Variants in CALCRL observed in about 807,000 individuals in gnomAD.
CALCRL encodes calcitonin receptor like receptor, also known as calcitonin gene-related peptide type 1 receptor.
In CALCRL, 27 loss-of-function variants were observed where a neutral mutation model predicts 60.4. The ratio of observed to expected loss-of-function variants is 0.45; its 90% CI spans 0.33 to 0.62. The LOEUF is 0.62. Ranked by LOEUF, CALCRL falls within the 20% of genes least tolerant of loss-of-function variation. The pLI, the probability that CALCRL is intolerant of heterozygous loss-of-function variation, is 0.03. For missense variants in CALCRL, 424 were observed against 540.7 expected (o/e 0.78, Z 2.14); for synonymous variants, 190 against 182.6 (o/e 1.04, Z -0.33).
intron 5 of CALCRL, among the ~76,000 whole-genome samples, chr2:187,382,756 T>C (rs1186007031): frequency 6.6e-6 from 1 of 152,086 alleles, no homozygotes; most frequent in Non-Finnish European, 1.5e-5. Flanking sequence ...AAATGTACTA[T>C]GCAAAGTGTG....
At chr2:187,405,350 T>A (rs1037300508) in intron 1 of CALCRL, among the ~76,000 whole-genome samples, 1 of 152,002 alleles carries the variant, frequency 6.6e-6, no homozygotes, top group Admixed American at 6.6e-5. Context: ...TTTTAACATA[T>A]TTTAGCGTGA....
At chr2:187,422,514 A>C (rs1221496861) in intron 1 of CALCRL, among the ~76,000 whole-genome samples, 1 of 152,184 alleles carries the variant, frequency 6.6e-6, no homozygotes. Flanking sequence ...CCCAGACTTA[A>C]CTGTATGTGG....
At chr2:187,434,606 C>T (rs1159462973) in intron 1 of CALCRL, among the ~76,000 whole-genome samples, 2 of 152,066 alleles carry the variant, frequency 1.3e-5, no homozygotes, top group African/African-American at 4.8e-5. Flanking sequence ...AAAATATATC[C>T]TCAAAAAATC....
At chr2:187,377,515 G>C (rs2105772873) in intron 8 of CALCRL, among the ~76,000 whole-genome samples, 1 of 152,136 alleles carries the variant, frequency 6.6e-6, no homozygotes, top group South Asian at 2.1e-4. Flanking sequence ...ATATGAATTT[G>C]TTTTGAACAT....
chr2:187,410,223 TTGAA>T (rs1315151163), intron 1 of CALCRL, among the ~76,000 whole-genome samples: 2 of 152,118 alleles, frequency 1.3e-5, no homozygotes, highest in Non-Finnish European at 2.9e-5. Context: ...AGTTTTGTTT[TTGAA>T]TGAGAGTGAC....
intron 12 of CALCRL, among the ~76,000 whole-genome samples, chr2:187,357,514 T>A (rs1436563079): frequency 3.1e-4 from 21 of 67,992 alleles, no homozygotes; most frequent in Admixed American, 5.7e-4. Flanking sequence ...GGGGTGGGGG[T>A]GAGGGGAGGG....
intron 5 of CALCRL, among the ~76,000 whole-genome samples, chr2:187,381,388 GT>G (rs983034819): frequency 2.6e-5 from 4 of 151,744 alleles, no homozygotes; most frequent in Non-Finnish European, 4.4e-5. Context: ...AATATATAAA[GT>G]TTTTTTAAGG....
At chr2:187,447,146 G>A (rs1363273341) in intron 1 of CALCRL, among the ~76,000 whole-genome samples, 1 of 151,934 alleles carries the variant, frequency 6.6e-6, no homozygotes, top group Non-Finnish European at 1.5e-5. Flanking sequence ...CAACATTTCA[G>A]TAAGTTCCAT....
rs1688698152 is a variant in CALCRL, at chr2:187,397,213, G to A, written c.-292-9457C>T. On this transcript the variant is annotated intron_variant, in intron 1 of 14. Transcript: ENST00000392370. ...TATTTGCCGTAATTTCAATAACACT[G>A]TATGTGGAAAACTGACTGTATTTCA... Among the ~76,000 whole-genome samples the A allele has an allele frequency of 4.0e-5, 6 of 151,580 alleles. No homozygotes were observed. The South Asian group carries it at 1.2e-3, about 31-fold the overall frequency.
intron 1 of CALCRL, among the ~76,000 whole-genome samples, chr2:187,430,639 T>C (rs1043363121): frequency 2.0e-5 from 3 of 152,004 alleles, no homozygotes; most frequent in African/African-American, 2.4e-5. Flanking sequence ...ATGCCCAGGA[T>C]TGAAAATGAG....
At chr2:187,409,185 C>A (rs542699225) in intron 1 of CALCRL, among the ~76,000 whole-genome samples, 1 of 152,220 alleles carries the variant, frequency 6.6e-6, no homozygotes, top group Non-Finnish European at 1.5e-5. Context: ...AAAGTGTTTA[C>A]AACATCAAGT....
chr2:187,428,337 C>T (rs1335404405), intron 1 of CALCRL: 1 of 152,046 alleles, frequency 6.6e-6, no homozygotes, highest in Non-Finnish European at 1.5e-5. Context: ...TCACACTGAC[C>T]TCATTTGGTT....
chr2:187,439,351 C>T (rs879003182), intron 1 of CALCRL, among the ~76,000 whole-genome samples: 3 of 151,806 alleles, frequency 2.0e-5, no homozygotes, highest in Admixed American at 6.6e-5. Context: ...GGTGTGGTCA[C>T]GCTGAGGTAG....
At chr2:187,387,800 C>G (rs941985269) in intron 1 of CALCRL, 44 bp from the exon 2 acceptor site, 2 of 390,888 alleles carry the variant, frequency 5.1e-6, no homozygotes, top group African/African-American at 4.1e-5. Flanking sequence ...ATGCTAATGA[C>G]CAAAATTATT....
chr2:187,412,264 G>A (rs918963198), intron 1 of CALCRL, among the ~76,000 whole-genome samples: 2 of 152,066 alleles, frequency 1.3e-5, no homozygotes, highest in Admixed American at 6.6e-5. Context: ...TTGAACGGGT[G>A]TCATTTCTTA....
intron 1 of CALCRL, among the ~76,000 whole-genome samples, chr2:187,394,937 G>T (rs1688597731): frequency 6.6e-6 from 1 of 151,936 alleles, no homozygotes; most frequent in Non-Finnish European, 1.5e-5. Context: ...AATCAATGTT[G>T]CCTATAACTT....
chr2:187,363,314 C>T, intron 9 of CALCRL, 62 bp downstream of exon 9: 1 of 1,516,830 alleles, frequency 6.6e-7, no homozygotes, highest in Non-Finnish European at 8.9e-7. Context: ...ATGCATATAT[C>T]AGCCATGTTC....
intron 1 of CALCRL, among the ~76,000 whole-genome samples, chr2:187,439,884 G>C (rs1690813218): frequency 6.6e-6 from 1 of 152,188 alleles, no homozygotes; most frequent in African/African-American, 2.4e-5. Context: ...TTGATAAATG[G>C]AAGAAGAGAC....
At chr2:187,393,972 C>T (rs1403609359) in intron 1 of CALCRL, among the ~76,000 whole-genome samples, 1 of 152,082 alleles carries the variant, frequency 6.6e-6, no homozygotes, top group African/African-American at 2.4e-5. Context: ...TCTTTGATTA[C>T]AGCTATGATT....
Sources: gnomAD v4.1 joint callset for allele counts (sites outside exome capture counted in the v4.1 genomes callset) on GRCh38, gnomAD v4.1.1 for gene constraint, MANE v1.5 for transcripts, NCBI Gene and HGNC (gene_info 2026-07-23, HGNC 2026-07-21) for gene names.